The following KALRN variants were observed in gnomAD, a reference collection of about 807,000 sequenced individuals.
KALRN encodes the protein kalirin.
A neutral mutation model predicts 353.7 loss-of-function variants in KALRN; 70 were observed. That is an observed-to-expected ratio of 0.20 (90% confidence interval 0.16 to 0.24). The LOEUF is 0.24. KALRN is among the 10% of genes least tolerant of loss of function. The pLI is 1.00. For missense variants in KALRN, 2,791 were observed against 3,756.7 expected (o/e 0.74, Z 6.72); for synonymous variants, 1,391 against 1,434.8 (o/e 0.97, Z 0.69).
intron 1 of KALRN, among the ~76,000 whole-genome samples, chr3:124,105,822 C>G (rs1453596865): frequency 1.4e-4 from 22 of 152,074 alleles, no homozygotes; most frequent in Admixed American, 1.4e-3. Context: ...ACATTAGGGT[C>G]AAGTGATGAT....
chr3:124,579,899 G>C (rs940391580), intron 34 of KALRN, among the ~76,000 whole-genome samples: 2 of 152,262 alleles, frequency 1.3e-5, no homozygotes, highest in Admixed American at 6.5e-5. Flanking sequence ...CCCAGGTCAT[G>C]GGCTTATCTT....
chr3:124,201,577 G>A (rs1032411159), intron 1 of KALRN, among the ~76,000 whole-genome samples: 30 of 152,094 alleles, frequency 2.0e-4, no homozygotes, highest in African/African-American at 6.8e-4. Context: ...TGCTGTTCTC[G>A]TCAAAAAACA....
intron 1 of KALRN, among the ~76,000 whole-genome samples, chr3:124,116,046 C>T (rs2063426637): frequency 6.6e-6 from 1 of 152,320 alleles, no homozygotes; most frequent in Non-Finnish European, 1.5e-5. Context: ...CTTACAGTGA[C>T]AGTGATGTTT....
chr3:124,235,557 T>C (rs2079653200), intron 3 of KALRN, among the ~76,000 whole-genome samples: 2 of 151,936 alleles, frequency 1.3e-5, no homozygotes, highest in South Asian at 4.2e-4. Flanking sequence ...GATGTGAGAG[T>C]TGGGAGAGCC....
intron 6 of KALRN, among the ~76,000 whole-genome samples, chr3:124,303,284 G>C (rs2077410845): frequency 6.6e-6 from 1 of 152,098 alleles, no homozygotes; most frequent in African/African-American, 2.4e-5. Flanking sequence ...CAGTTCTTTT[G>C]ATCTTCAATT....
chr3:124,355,219 T>A (rs1342394255), intron 10 of KALRN, among the ~76,000 whole-genome samples: 5 of 152,236 alleles, frequency 3.3e-5, no homozygotes, highest in African/African-American at 1.2e-4. Context: ...ATATAGACTT[T>A]ATTCTTAGAG....
intron 10 of KALRN, among the ~76,000 whole-genome samples, chr3:124,351,239 A>G (rs138002503): frequency 3.1e-4 from 47 of 152,316 alleles, no homozygotes; most frequent in Non-Finnish European, 6.2e-4. Flanking sequence ...TAAGAAGATC[A>G]ATGACAGAAA....
intron 7 of KALRN, among the ~76,000 whole-genome samples, chr3:124,326,570 A>G (rs961807040): frequency 1.3e-5 from 2 of 152,220 alleles, no homozygotes; most frequent in African/African-American, 4.8e-5. Flanking sequence ...TTTTACATGA[A>G]GTATTTGCTA....
intron 56 of KALRN, 38 bp from the exon 57 acceptor site, chr3:124,702,000 A>G: frequency 6.6e-7 from 1 of 1,514,406 alleles, no homozygotes. Context: ...CTTATATGAC[A>G]TCCTCGATAT....
chr3:124,384,892 G>A lies in KALRN; in HGVS notation c.1818G>A (p.Leu606=). Residue 606 remains leucine, a synonymous_variant, in exon 11 of 60, where the codon TTG becomes TTA. Coordinates refer to ENST00000682506, the MANE Select transcript of KALRN (RefSeq NM_001388419.1). ...AGCTCCTAGAAGCAGCAGAGCAGTT[G>A]GCTCAGACGGGGGAATGTGACCCCG... ...ADKLLEAAEQ[L]AQTGECDPEE... The A allele has an allele frequency of 6.2e-7, 1 of 1,613,148 alleles. No individual in the cohort carries two copies. Among genetic ancestry groups the A allele is most frequent in the Non-Finnish European group, 8.5e-7 (1 of 1,179,478 alleles).
intron 33 of KALRN, among the ~76,000 whole-genome samples, chr3:124,555,695 T>C (rs2071159117): frequency 6.6e-6 from 1 of 152,128 alleles, no homozygotes; most frequent in African/African-American, 2.4e-5. Context: ...TCTCAGACAT[T>C]GTAACTAGGC....
chr3:124,041,751 T>G (rs943182218), intron 1 of KALRN, among the ~76,000 whole-genome samples: 1 of 152,196 alleles, frequency 6.6e-6, no homozygotes, highest in African/African-American at 2.4e-5. Flanking sequence ...CTGCCACTCC[T>G]TTGTGTATGA....
intron 37 of KALRN, among the ~76,000 whole-genome samples, chr3:124,641,501 T>C (rs1446910962): frequency 6.6e-6 from 1 of 152,154 alleles, no homozygotes; most frequent in East Asian, 1.9e-4. Context: ...AGACCTAGGA[T>C]TTAGTCCTGC....
chr3:124,429,402 A>G (rs924053040), intron 15 of KALRN, among the ~76,000 whole-genome samples: 16 of 152,184 alleles, frequency 1.1e-4, no homozygotes, highest in African/African-American at 3.9e-4. Flanking sequence ...TAGAGGGGAG[A>G]AAAATATGAA....
At chr3:124,118,588 C>T (rs2063681881) in intron 1 of KALRN, among the ~76,000 whole-genome samples, 1 of 152,200 alleles carries the variant, frequency 6.6e-6, no homozygotes. Flanking sequence ...ATTCCTAAGA[C>T]TTCTGTGCAT....
intron 43 of KALRN, among the ~76,000 whole-genome samples, chr3:124,660,122 A>G (rs969939705): frequency 6.6e-6 from 1 of 151,790 alleles, no homozygotes; most frequent in African/African-American, 2.4e-5. Flanking sequence ...TTGTAGAGAC[A>G]CGGTCTCACT....
chr3:124,175,555 G>A (rs1415029923), intron 1 of KALRN, among the ~76,000 whole-genome samples: 9 of 151,102 alleles, frequency 6.0e-5, no homozygotes, highest in Admixed American at 1.3e-4. Flanking sequence ...GGAGATGTGC[G>A]CTGCCGAGGG....
intron 15 of KALRN, among the ~76,000 whole-genome samples, chr3:124,426,766 G>A (rs1272414936): frequency 6.6e-6 from 1 of 152,212 alleles, no homozygotes; most frequent in African/African-American, 2.4e-5. Context: ...ACCCGAAAGA[G>A]TGCTCTGATA....
chr3:124,594,215 C>T (rs2076063047), intron 34 of KALRN, among the ~76,000 whole-genome samples: 1 of 152,136 alleles, frequency 6.6e-6, no homozygotes, highest in Non-Finnish European at 1.5e-5. Flanking sequence ...ACATCTTTCC[C>T]TATGGATGCA....
Sources: allele counts gnomAD v4.1 joint callset (sites outside exome capture counted in the v4.1 genomes callset), GRCh38; gene constraint gnomAD v4.1.1; transcripts MANE v1.5; gene names NCBI Gene and HGNC (gene_info 2026-07-23, HGNC 2026-07-21).